Variants in EIF3K observed in about 807,000 individuals in gnomAD.
EIF3K encodes eIF-3 p28.
In EIF3K, 27 loss-of-function variants were observed where a neutral mutation model predicts 34.2. That is an observed-to-expected ratio of 0.79 (90% CI 0.58 to 1.09). The LOEUF (loss-of-function observed/expected upper bound fraction) is 1.09. EIF3K is among the 50% of genes least tolerant of loss of function. The pLI, the probability that EIF3K is intolerant of heterozygous loss-of-function variation, is 0.00. For missense variants in EIF3K, 232 were observed against 275.4 expected (o/e 0.84, Z 1.11); for synonymous variants, 105 against 105.7 (o/e 0.99, Z 0.04).
At chr19:38,634,887 A>G in intron 6 of EIF3K, 106 bp from the exon 7 acceptor site, 1 of 1,520,684 alleles carries the variant, frequency 6.6e-7, no homozygotes, top group African/African-American at 1.4e-5. Context: ...TCAGTGGGCA[A>G]GGGGGGCTGC....
chr19:38,620,349 G>A lies in EIF3K; in HGVS notation c.72G>A (p.Glu24=), dbSNP rs776082305. Residue 24 remains glutamate, a synonymous_variant, in exon 2 of 8, where the codon GAG becomes GAA. Coordinates refer to ENST00000248342, the MANE Select transcript of EIF3K (RefSeq NM_013234.4). ...GATTCTCCTTTAGGTACAATCCTGA[G>A]AACCTGGCCACCCTGGAGCGCTATG... is the stretch of plus-strand genomic sequence containing the variant. ...LLKGIDRYNP[E]NLATLERYVE... 1 of 1,614,012 alleles carries A rather than the reference G, an allele frequency of 6.2e-7. No homozygotes were observed. Among genetic ancestry groups the A allele is most frequent in the South Asian group, 1.1e-5 (1 of 91,048 alleles).
chr19:38,629,354 A>G (rs1465477960), intron 4 of EIF3K, among the ~76,000 whole-genome samples: 1 of 152,054 alleles, frequency 6.6e-6, no homozygotes, highest in Non-Finnish European at 1.5e-5. Context: ...CAGTGCAGTG[A>G]TGCAAACACA....
chr19:38,627,802 T>C (rs774115910), intron 4 of EIF3K, among the ~76,000 whole-genome samples: 33 of 152,236 alleles, frequency 2.2e-4, no homozygotes, highest in Middle Eastern at 3.4e-3. Context: ...CTTGCTCTCT[T>C]GGCCAGCTAT....
At chr19:38,636,866 G>T in intron 7 of EIF3K, 23 bp from the exon 8 acceptor site, 2 of 1,614,140 alleles carry the variant, frequency 1.2e-6, no homozygotes, top group Middle Eastern at 1.6e-4. Context: ...CTCACCTTCA[G>T]TCTGGTCTCT....
intron 6 of EIF3K, among the ~76,000 whole-genome samples, chr19:38,633,678 G>A (rs1306845218): frequency 2.8e-5 from 4 of 145,386 alleles, no homozygotes; most frequent in Non-Finnish European, 6.0e-5. Context: ...TGATAAGATC[G>A]AAACTCCATC....
In EIF3K at chr19:38,630,461, C is replaced by T. The variant is rs1976040806; in HGVS notation, c.355-1969C>T. On this transcript the variant is annotated intron_variant, in intron 4 of 7. Transcript: ENST00000248342. ...CTGGGTTCAAGTGATTCTTCTGCCT[C>T]AGCATCCCGAGTAGCTGGGTCTGCA... Among the ~76,000 whole-genome samples, 4 of 151,612 alleles carry T rather than the reference C, an allele frequency of 2.6e-5. No homozygotes were observed. The South Asian group carries it at 8.3e-4, about 32-fold the overall frequency.
chr19:38,620,533 A>T, intron 2 of EIF3K, 98 bp downstream of exon 2: 1 of 987,704 alleles, frequency 1.0e-6, no homozygotes, highest in Non-Finnish European at 1.6e-6. Context: ...ATCCTGAACA[A>T]TGCAGCATCT....
intron 1 of EIF3K, among the ~76,000 whole-genome samples, chr19:38,619,567 G>T (rs1431767562): frequency 6.6e-6 from 1 of 152,172 alleles, no homozygotes; most frequent in Non-Finnish European, 1.5e-5. Context: ...TTAGAGACCA[G>T]CCTGGGCAAC....
At chr19:38,635,433 A>G (rs1259547811) in intron 7 of EIF3K, 1 of 415,226 alleles carries the variant, frequency 2.4e-6, no homozygotes, top group African/African-American at 2.0e-5. Context: ...CTCGTTGGCC[A>G]TCTTTTATTC....
At chr19:38,633,491 A>G (rs1211385289) in intron 6 of EIF3K, among the ~76,000 whole-genome samples, 1 of 152,142 alleles carries the variant, frequency 6.6e-6, no homozygotes, top group East Asian at 1.9e-4. Context: ...TGTGGTCAGG[A>G]GTTCGAGACC....
intron 4 of EIF3K, among the ~76,000 whole-genome samples, chr19:38,627,905 C>CTTTTTTTTTTTTTTTTTTTTTTTTTTTTT (rs60551864): frequency 7.1e-6 from 1 of 140,250 alleles, no homozygotes; most frequent in South Asian, 2.2e-4. Context: ...ATTTTCTTTC[C>CTTTTTTTTTTTTTTTTTTTTTTTTTTTTT]TTTTTTTTTT....
chr19:38,636,530 T>C (rs774108706), intron 7 of EIF3K, among the ~76,000 whole-genome samples: 1 of 152,090 alleles, frequency 6.6e-6, no homozygotes. Context: ...GTAAATATTA[T>C]CATGTAGGTA....
rs369298575 is a variant in EIF3K, at chr19:38,632,480, A to G, written c.405A>G (p.Glu135=). ...TCTTGGAAGGTATAACTGGCTTTGA[A>G]GACTCTGTCCGAAAGTGTAAGTCCC... ...MDLLEGITGF[E]DSVRKFICHV... is the part of the protein sequence containing the mutation. The change falls in exon 5 of 8, where the codon GAA becomes GAG. Residue 135 remains glutamate (E), a synonymous_variant. Coordinates refer to ENST00000248342, the MANE Select transcript of EIF3K (RefSeq NM_013234.4). 5.0e-6 allele frequency: 8 copies of G among 1,614,250 alleles called. No homozygotes were observed. Among genetic ancestry groups the G allele is most frequent in the Middle Eastern group, 3.3e-4 (2 of 6,062 alleles).
At chr19:38,629,962 G>C (rs1040184937) in intron 4 of EIF3K, among the ~76,000 whole-genome samples, 1 of 152,138 alleles carries the variant, frequency 6.6e-6, no homozygotes, top group South Asian at 2.1e-4. Flanking sequence ...AATACACTTA[G>C]CCAATATGTG....
chr19:38,621,296 C>T (rs1975835810), intron 2 of EIF3K, among the ~76,000 whole-genome samples: 1 of 151,764 alleles, frequency 6.6e-6, no homozygotes, highest in Non-Finnish European at 1.5e-5. Flanking sequence ...GGCTGTAGTC[C>T]CAGCTCCTTG....
chr19:38,627,848 A>G (rs116663470), intron 4 of EIF3K, among the ~76,000 whole-genome samples: 102 of 150,698 alleles, frequency 6.8e-4, no homozygotes, highest in African/African-American at 2.0e-3. Flanking sequence ...TTCTCTTCCA[A>G]TCATACCCCA....
chr19:38,625,883 G>A (rs2045213476), intron 3 of EIF3K, 145 bp from the exon 4 acceptor site: 1 of 761,568 alleles, frequency 1.3e-6, no homozygotes, highest in East Asian at 2.4e-5. Flanking sequence ...ACCTGCAGGA[G>A]AAATAAGCTG....
chr19:38,623,650 C>T (rs1328461946), intron 2 of EIF3K, among the ~76,000 whole-genome samples: 2 of 151,666 alleles, frequency 1.3e-5, no homozygotes, highest in South Asian at 2.1e-4. Flanking sequence ...GGGAGGAAAC[C>T]GTCAGCCCCT....
intron 4 of EIF3K, 175 bp from the exon 5 acceptor site, chr19:38,632,255 C>G: frequency 4.9e-6 from 3 of 616,906 alleles, no homozygotes; most frequent in East Asian, 2.8e-5. Flanking sequence ...GTCTATGTAA[C>G]AACAGCAGCA....
Sources: gnomAD v4.1 joint callset for allele counts (sites outside exome capture counted in the v4.1 genomes callset) on GRCh38, gnomAD v4.1.1 for gene constraint, MANE v1.5 for transcripts, NCBI Gene and HGNC (gene_info 2026-07-23, HGNC 2026-07-21) for gene names.